STRN3: variants seen among roughly 807,000 people sequenced by gnomAD.
STRN3 encodes striatin 3, also known as striatin-3.
STRN3 carries 29 observed loss-of-function variants against 95.6 expected under a neutral mutation model. The observed-to-expected ratio is 0.30, with a 90% confidence interval of 0.23 to 0.41. The LOEUF (loss-of-function observed/expected upper bound fraction) is 0.41, where lower values mean the gene tolerates loss of function less well. Ranked by LOEUF, STRN3 falls within the 10% of genes least tolerant of loss-of-function variation. STRN3 has a pLI of 1.00. For synonymous variants in STRN3, 331 were observed against 357.6 expected (o/e 0.93, Z 0.84); for missense variants, 890 against 972.1 (o/e 0.92, Z 1.12).
intron 5 of STRN3, among the ~76,000 whole-genome samples, chr14:30,940,288 C>A (rs1225254237): frequency 6.6e-6 from 1 of 152,128 alleles, no homozygotes; most frequent in Non-Finnish European, 1.5e-5. Flanking sequence ...TTGGATCCTA[C>A]ACTTTCTTCC....
intron 8 of STRN3, among the ~76,000 whole-genome samples, chr14:30,920,636 T>G (rs1482623699): frequency 6.6e-6 from 1 of 152,156 alleles, no homozygotes; most frequent in Non-Finnish European, 1.5e-5. Flanking sequence ...ATTCTCCAAG[T>G]TTATCTCTCT....
chr14:30,913,421 C>A (rs538928784), intron 10 of STRN3, 103 bp downstream of exon 10: 169 of 1,231,164 alleles, frequency 1.4e-4, no homozygotes, highest in Admixed American at 4.1e-4. Flanking sequence ...ACAAACTTAT[C>A]TTTTCCATGC....
chr14:31,018,400 C>T (rs540503292), intron 1 of STRN3: 2 of 369,062 alleles, frequency 5.4e-6, no homozygotes, highest in African/African-American at 2.1e-5. Context: ...ATGAACAATA[C>T]CTGTGACAAG....
At chr14:30,964,518 A>C (rs1225441035) in intron 1 of STRN3, 6 of 161,338 alleles carry the variant, frequency 3.7e-5, no homozygotes, top group Non-Finnish European at 8.3e-5. Flanking sequence ...ATGTCCCTTC[A>C]CCTGATCCAC....
At chr14:30,911,918 G>A (rs2138990114) in intron 11 of STRN3, 89 bp downstream of exon 11, 1 of 1,558,262 alleles carries the variant, frequency 6.4e-7, no homozygotes, top group Non-Finnish European at 8.7e-7. Flanking sequence ...TCAAATGTGT[G>A]CATTAAAGAC....
At chr14:30,934,301 C>T (rs142642157) in intron 7 of STRN3, among the ~76,000 whole-genome samples, 4 of 152,018 alleles carry the variant, frequency 2.6e-5, no homozygotes, top group African/African-American at 4.8e-5. Context: ...TGCAGCCTGG[C>T]GACAGAGCGA....
chr14:31,001,781 C>T (rs1159709840), intron 1 of STRN3, among the ~76,000 whole-genome samples: 4 of 152,130 alleles, frequency 2.6e-5, no homozygotes, highest in African/African-American at 4.8e-5. Context: ...ATGAATGGCC[C>T]TTGGGAGGCC....
intron 15 of STRN3, 66 bp downstream of exon 15, chr14:30,905,351 TA>T: frequency 7.2e-7 from 1 of 1,391,438 alleles, no homozygotes; most frequent in Non-Finnish European, 9.4e-7. Flanking sequence ...GAAAATTAGC[TA>T]AAAGATCACC....
chr14:30,985,332 G>C (rs1008926887), intron 1 of STRN3, among the ~76,000 whole-genome samples: 2 of 151,090 alleles, frequency 1.3e-5, no homozygotes, highest in African/African-American at 4.9e-5. Context: ...GGCCAGGCGC[G>C]GTGGCTCACA....
intron 1 of STRN3, among the ~76,000 whole-genome samples, chr14:31,006,798 G>T (rs1192122849): frequency 6.6e-6 from 1 of 152,126 alleles, no homozygotes; most frequent in Non-Finnish European, 1.5e-5. Flanking sequence ...AAAGTTCAAA[G>T]ACAGGAGAAA....
chr14:30,943,335 C>T (rs559386965), intron 5 of STRN3, among the ~76,000 whole-genome samples: 51 of 152,292 alleles, frequency 3.3e-4, no homozygotes, highest in East Asian at 9.6e-4. Flanking sequence ...ATAATCTTAG[C>T]ACTTTAGGAG....
chr14:30,919,152 T>C (rs932015972), intron 8 of STRN3, 46 bp from the exon 9 acceptor site: 3 of 1,515,414 alleles, frequency 2.0e-6, no homozygotes, highest in Non-Finnish European at 8.9e-7. Context: ...TGGCTACCGC[T>C]TGACTTTCCG....
At chr14:30,970,853 G>A (rs151304226) in intron 1 of STRN3, among the ~76,000 whole-genome samples, 204 of 152,340 alleles carry the variant, frequency 1.3e-3, no homozygotes, top group African/African-American at 4.5e-3. Context: ...ATGTTTGTGC[G>A]CACGGCAGGG....
intron 8 of STRN3, among the ~76,000 whole-genome samples, chr14:30,923,391 T>C (rs1474381756): frequency 6.6e-6 from 1 of 152,104 alleles, no homozygotes; most frequent in Non-Finnish European, 1.5e-5. Context: ...GTTGAAAAAG[T>C]TACAAGACTT....
At chr14:30,954,361 TCTA>T (rs1879799740) in intron 3 of STRN3, among the ~76,000 whole-genome samples, 1 of 152,196 alleles carries the variant, frequency 6.6e-6, no homozygotes, top group African/African-American at 2.4e-5. Flanking sequence ...TTATATATCT[TCTA>T]CTATGATCAA....
In STRN3 at chr14:30,925,122, T is replaced by C. The variant is rs573800752; in HGVS notation, c.1099+4079A>G. Among the ~76,000 whole-genome samples the C allele has an allele frequency of 2.0e-5, 3 of 152,054 alleles. No homozygotes were observed. The East Asian group carries it at 5.8e-4, about 29-fold the overall frequency. ...TAGAGTACTAATAAGATAAAGTGCA[T>C]CTCAATTATATTGTATATCTCACTT... is the stretch of plus-strand genomic sequence containing the variant. On this transcript the variant is annotated intron_variant, in intron 8 of 17. Transcript: ENST00000357479.
At chr14:30,901,270 G>T (rs942706645) in intron 16 of STRN3, among the ~76,000 whole-genome samples, 1 of 137,726 alleles carries the variant, frequency 7.3e-6, no homozygotes, top group East Asian at 2.1e-4. Context: ...GTGAGACCCT[G>T]TCTCTATAAA....
At chr14:31,015,495 C>T (rs973099551) in intron 1 of STRN3, among the ~76,000 whole-genome samples, 7 of 152,002 alleles carry the variant, frequency 4.6e-5, no homozygotes, top group Non-Finnish European at 1.0e-4. Context: ...GTCTCAGCCT[C>T]CTGAGTAGCT....
chr14:30,982,726 G>C (rs1035004337), intron 1 of STRN3, among the ~76,000 whole-genome samples: 1 of 152,314 alleles, frequency 6.6e-6, no homozygotes, highest in Admixed American at 6.5e-5. Flanking sequence ...TTACCCCCTT[G>C]AGGTAGGAAA....
Sources: allele counts gnomAD v4.1 joint callset (sites outside exome capture counted in the v4.1 genomes callset), GRCh38; gene constraint gnomAD v4.1.1; transcripts MANE v1.5; gene names NCBI Gene and HGNC (gene_info 2026-07-23, HGNC 2026-07-21).